Variants in ABLIM2 observed in about 807,000 individuals in gnomAD.
ABLIM2 encodes actin binding LIM protein family member 2, also known as actin-binding LIM protein 2.
ABLIM2 carries 53 observed loss-of-function variants against 97.7 expected under a neutral mutation model. The observed-to-expected ratio is 0.54, with a 90% CI of 0.44 to 0.68. The LOEUF is 0.68. Ranked by LOEUF, ABLIM2 falls within the 30% of genes least tolerant of loss-of-function variation. ABLIM2 has a pLI of 0.00. For synonymous variants in ABLIM2, 361 were observed against 345.8 expected, an observed-to-expected ratio of 1.04 and a Z score of -0.49; for missense variants, 835 against 867.2, an observed-to-expected ratio of 0.96 and a Z score of 0.47.
chr4:8,008,331 G>A lies in ABLIM2; in HGVS notation c.1477-131C>T, dbSNP rs913776020. ...ACCCCACTGTGAGAAAACTCAATAT[G>A]TGAGAGATGCAGCTTTCAATAAAAA... On this transcript the variant is annotated intron_variant, in intron 15 of 20. Coordinates refer to ENST00000447017, the MANE Select transcript of ABLIM2 (RefSeq NM_001130083.2). 6.0e-5 allele frequency: 50 copies of A among 829,428 alleles called. No individual in the cohort carries two copies. The African/African-American group carries it at 7.6e-4, about 13-fold the overall frequency. 51.4% of individuals were successfully genotyped at this position (829,428 alleles called of 1,614,324 possible).
chr4:8,019,711 G>C lies in ABLIM2; in HGVS notation c.1370-40C>G. 6.4e-7 allele frequency: 1 copy of C among 1,568,142 alleles called. No individual in the cohort carries two copies. The highest frequency in any genetic ancestry group is 2.2e-5 in the East Asian group (1 of 44,562). Reference sequence around the variant, plus strand: ...AGAAAAAAAAGGAGAGAACAGGAGGGTAAGCAGCAAGTTGTGATGGTTTCT... The same window carrying C: ...AGAAAAAAAAGGAGAGAACAGGAGGCTAAGCAGCAAGTTGTGATGGTTTCT... On this transcript the variant is annotated intron_variant, in intron 13 of 20. Coordinates refer to ENST00000447017, the MANE Select transcript of ABLIM2 (RefSeq NM_001130083.2). This position sits in a 1 kb window ranked among gnomAD's most constrained non-coding sequence, Gnocchi z 4.3.
At chr4:8,090,116 C>G (rs1826324180) in intron 3 of ABLIM2, among the ~76,000 whole-genome samples, 1 of 152,162 alleles carries the variant, frequency 6.6e-6, no homozygotes, top group African/African-American at 2.4e-5. Flanking sequence ...AACCCAGGGC[C>G]CTCCCCTCCC....
At chr4:7,991,395 G>A (rs115803173) in intron 17 of ABLIM2, among the ~76,000 whole-genome samples, 3 of 134,340 alleles carry the variant, frequency 2.2e-5, no homozygotes, top group African/African-American at 8.9e-5. Context: ...GAACACCTTG[G>A]CTTGGTCGGA....
At chr4:8,059,908 A>G (rs1801808991) in intron 7 of ABLIM2, among the ~76,000 whole-genome samples, 1 of 24,274 alleles carries the variant, frequency 4.1e-5, no homozygotes. Context: ...CTCTGTTTCA[A>G]AAAAAAAAAA....
chr4:8,072,314 AGGGGAGG>A lies in ABLIM2; in HGVS notation c.675+5307_675+5313del, dbSNP rs1256848087. Among the ~76,000 whole-genome samples the A allele has an allele frequency of 2.7e-5, 4 of 148,278 alleles. No individual in the cohort carries two copies. The highest frequency in any genetic ancestry group is 6.6e-5 in the Admixed American group (1 of 15,086). Reference sequence around the variant, plus strand: ...GGGACGCTTGCCTCCCAATCCATCAAGGGGAGGGGGGGCTGCCTGATGAAACCCACTT... The same window carrying A: ...GGGACGCTTGCCTCCCAATCCATCAAGGGGGCTGCCTGATGAAACCCACTT... On this transcript the variant is annotated intron_variant, in intron 6 of 20. Transcript: ENST00000447017. This position sits in a 1 kb window ranked among gnomAD's most constrained non-coding sequence, Gnocchi z 5.8.
In ABLIM2 at chr4:8,033,816, C is replaced by T. The variant is rs1404176213; in HGVS notation, c.1047+2333G>A. 6.6e-6 allele frequency among the ~76,000 whole-genome samples: 1 copy of T among 152,220 alleles called. No homozygotes were observed. The highest frequency in any genetic ancestry group is 1.5e-5 in the Non-Finnish European group (1 of 68,026). On this transcript the variant is annotated intron_variant, in intron 10 of 20. Transcript: ENST00000447017. The surrounding 1 kb of genome is among the most constrained non-coding windows in gnomAD (Gnocchi z 4.5). ...GTGACAACAGCTAAGGGCCCGTGTC[C>T]ACTTGGGCCTGGAAGCTGTGTCCTG...
At position 8,119,927 on chromosome 4, in the gene ABLIM2, G is replaced by A. The variant is rs551439412; in HGVS notation, c.11-13290C>T. Among the ~76,000 whole-genome samples, 3 of 152,266 alleles carry A rather than the reference G, an allele frequency of 2.0e-5. No homozygotes were observed. In the East Asian group the frequency reaches 5.8e-4, roughly 29 times the overall value. ...TCGCCTCCGCTCAGATCTGGGGTGCGTGCTCAAGTCCTGCGGGTGGAGGTG... is the reference window on the plus strand; with the variant it reads ...TCGCCTCCGCTCAGATCTGGGGTGCATGCTCAAGTCCTGCGGGTGGAGGTG... On this transcript the variant is annotated intron_variant, in intron 1 of 20. Transcript: ENST00000447017.
intron 1 of ABLIM2, among the ~76,000 whole-genome samples, chr4:8,119,313 C>T (rs1260309869): frequency 7.0e-6 from 1 of 142,968 alleles, no homozygotes; most frequent in African/African-American, 2.6e-5. Context: ...GCACAGGTCT[C>T]GGGCTTCCTT....
At chr4:8,077,599 C>A (rs762816193) in intron 6 of ABLIM2, 29 bp downstream of exon 6, 80 of 1,572,700 alleles carry the variant, frequency 5.1e-5, no homozygotes, top group Non-Finnish European at 6.7e-5. Context: ...TAGCTCAGAG[C>A]GGGCAGGGGC....
Position 8,097,169 on chromosome 4 carries a change from T to A in ABLIM2, c.268A>T (p.Ile90Phe), listed in dbSNP as rs763029715. ...AGCGCCGACACCACCTCACCCTCAA[T>A]GAACTGGTCGCAGCTGAAGCAGCGG... ...GTRCFSCDQFIEGEVVSALGK... is the reference protein window; with the variant it reads ...GTRCFSCDQFFEGEVVSALGK... The change falls in exon 3 of 21, where the codon ATT (isoleucine) becomes TTT (phenylalanine). Residue 90 changes from isoleucine to phenylalanine, a missense_variant. Transcript: ENST00000447017. The A allele has an allele frequency of 3.7e-5, 60 of 1,609,206 alleles. No individual in the cohort carries two copies. Among genetic ancestry groups the A allele is most frequent in the Non-Finnish European group, 4.7e-5 (55 of 1,178,076 alleles).
chr4:8,122,724 C>T lies in ABLIM2; in HGVS notation c.11-16087G>A, dbSNP rs566737512. On this transcript the variant is annotated intron_variant, in intron 1 of 20. Coordinates refer to ENST00000447017, the MANE Select transcript of ABLIM2 (RefSeq NM_001130083.2). This position sits in a 1 kb window ranked among gnomAD's most constrained non-coding sequence, Gnocchi z 4.1. The stretch of plus-strand genomic sequence containing the variant: ...CTACATGGTACTTGCCACTTTAGTC[C>T]ACTTGCCACTTTAGTTCTTTTCATC... Among the ~76,000 whole-genome samples the T allele has an allele frequency of 1.4e-4, 22 of 152,166 alleles. No individual in the cohort carries two copies. Among genetic ancestry groups the T allele is most frequent in the Non-Finnish European group, 2.4e-4 (16 of 68,010 alleles).
chr4:8,051,385 A>G (rs889034300), intron 8 of ABLIM2, among the ~76,000 whole-genome samples: 3 of 6,150 alleles, frequency 4.9e-4, no homozygotes, highest in Non-Finnish European at 9.8e-4. Flanking sequence ...TGTCTCTACT[A>G]AAAAAAAAAG....
Position 8,054,131 on chromosome 4 carries a change from A to G in ABLIM2, c.822+57T>C, listed in dbSNP as rs1797607467. The G allele has an allele frequency of 6.3e-7, 1 of 1,582,474 alleles. No individual in the cohort carries two copies. Among genetic ancestry groups the G allele is most frequent in the Admixed American group, 1.7e-5 (1 of 59,942 alleles). The stretch of plus-strand genomic sequence containing the variant: ...CTGGTCAGTGTCCTCTTAACTGTAC[A>G]AAGATGGTGCAGGAGCAGTGAAGGG... On this transcript the variant is annotated intron_variant, in intron 8 of 20. Transcript: ENST00000447017. This position sits in a 1 kb window ranked among gnomAD's most constrained non-coding sequence, Gnocchi z 4.9.
At chr4:8,104,972 C>A (rs1836537747) in intron 2 of ABLIM2, among the ~76,000 whole-genome samples, 1 of 152,212 alleles carries the variant, frequency 6.6e-6, no homozygotes, top group South Asian at 2.1e-4. Context: ...CCCACTCACA[C>A]CCAGGAGACC....
At chr4:8,049,929 T>C (rs1488395061) in intron 8 of ABLIM2, among the ~76,000 whole-genome samples, 1 of 152,164 alleles carries the variant, frequency 6.6e-6, no homozygotes, top group African/African-American at 2.4e-5. Context: ...GGTTTCACCA[T>C]GTTGGCCAGG....
chr4:8,095,279 T>C lies in ABLIM2; in HGVS notation c.338+1820A>G, dbSNP rs1304061989. 2.0e-5 allele frequency among the ~76,000 whole-genome samples: 3 copies of C among 152,012 alleles called. No homozygotes were observed. Among genetic ancestry groups the C allele is most frequent in the Admixed American group, 2.0e-4 (3 of 15,258 alleles). On this transcript the variant is annotated intron_variant, in intron 3 of 20. Transcript: ENST00000447017. This position sits in a 1 kb window ranked among gnomAD's most constrained non-coding sequence, Gnocchi z 4.7. ...CCACCATGCCAGACTAATTTTTAAA[T>C]TTTTTGTAGAGACAGGGTCTTGCTA...
At chr4:8,093,835 G>T (rs1301240367) in intron 3 of ABLIM2, among the ~76,000 whole-genome samples, 1 of 152,118 alleles carries the variant, frequency 6.6e-6, no homozygotes, top group African/African-American at 2.4e-5. Flanking sequence ...GGTAGATTCT[G>T]ATGTGTTTAT....
At chr4:8,074,175 A>G (rs565921280) in intron 6 of ABLIM2, among the ~76,000 whole-genome samples, 1 of 149,150 alleles carries the variant, frequency 6.7e-6, no homozygotes, top group African/African-American at 2.5e-5. Flanking sequence ...TAGACCCTGC[A>G]GGGTGCGGTG....
At chr4:7,981,769 C>G (rs1487758254) in intron 20 of ABLIM2, among the ~76,000 whole-genome samples, 2 of 152,192 alleles carry the variant, frequency 1.3e-5, no homozygotes, top group African/African-American at 4.8e-5. Context: ...AGCCTCTCGT[C>G]TGCAGAGCAG....
Sources: allele counts gnomAD v4.1 joint callset (sites outside exome capture counted in the v4.1 genomes callset), GRCh38; gene constraint gnomAD v4.1.1; non-coding constraint Gnocchi (gnomAD v3.1); transcripts MANE v1.5; gene names NCBI Gene and HGNC (gene_info 2026-07-23, HGNC 2026-07-21).